The following ZHX3 variants were observed in gnomAD, a reference collection of about 807,000 sequenced individuals.
The protein encoded by ZHX3 is zinc fingers and homeoboxes protein 3.
In ZHX3, 20 loss-of-function variants were observed where a neutral mutation model predicts 64.5. The ratio of observed to expected loss-of-function variants is 0.31; its 90% CI spans 0.22 to 0.45. The LOEUF is 0.45. ZHX3 is among the 20% of genes least tolerant of loss of function. The pLI, the probability that ZHX3 is intolerant of heterozygous loss-of-function variation, is 1.00. For missense variants in ZHX3, 1,041 were observed against 1,195.8 expected (o/e 0.87, Z 1.91); for synonymous variants, 423 against 461.6 (o/e 0.92, Z 1.07).
At chr20:41,193,596 A>G (rs1047408241) in intron 3 of ZHX3, among the ~76,000 whole-genome samples, 1 of 152,030 alleles carries the variant, frequency 6.6e-6, no homozygotes, top group Non-Finnish European at 1.5e-5. Context: ...CCAGCTAAAT[A>G]CAAATGATTT....
At chr20:41,190,266 C>G (rs1488132161) in intron 3 of ZHX3, among the ~76,000 whole-genome samples, 1 of 152,190 alleles carries the variant, frequency 6.6e-6, no homozygotes, top group Non-Finnish European at 1.5e-5. Context: ...CCTCTGCTTC[C>G]TGGGTTCAAG....
chr20:41,192,414 C>T (rs1481282179), intron 3 of ZHX3, among the ~76,000 whole-genome samples: 5 of 152,214 alleles, frequency 3.3e-5, no homozygotes, highest in Admixed American at 2.0e-4. Context: ...AGGCCACCTT[C>T]AGAATGCTTG....
Position 41,201,444 on chromosome 20 carries a change from A to G in ZHX3, c.2860+613T>C. The stretch of plus-strand genomic sequence containing the variant: ...GTGGCTTCAAAACTATGTCTTAAAT[A>G]AAAATAATCTTCTATGATACATTTT... On this transcript the variant is annotated intron_variant, in intron 3 of 3. Transcript: ENST00000683867. This position sits in a 1 kb window ranked among gnomAD's most constrained non-coding sequence, Gnocchi z 5.0. 1 of 1,203,070 alleles carries G rather than the reference A, an allele frequency of 8.3e-7. No homozygotes were observed. Among genetic ancestry groups the G allele is most frequent in the Admixed American group, 2.4e-5 (1 of 42,428 alleles). 74.5% of individuals were successfully genotyped at this position (1,203,070 alleles called of 1,614,324 possible).
intron 1 of ZHX3, among the ~76,000 whole-genome samples, chr20:41,315,428 C>T (rs76383335): frequency 7.0e-6 from 1 of 142,566 alleles, no homozygotes; most frequent in African/African-American, 2.6e-5. Context: ...CTCCTGACCT[C>T]GTGATCCGCC....
At chr20:41,211,461 G>T (rs985413949) in intron 2 of ZHX3, among the ~76,000 whole-genome samples, 2 of 152,014 alleles carry the variant, frequency 1.3e-5, no homozygotes, top group Non-Finnish European at 2.9e-5. Context: ...CCACCAATTT[G>T]AACTGGCATG....
Position 41,190,165 on chromosome 20 carries a change from G to C in ZHX3, c.2861-4964C>G, listed in dbSNP as rs1044241544. On this transcript the variant is annotated intron_variant, in intron 3 of 3. Transcript: ENST00000683867. The stretch of plus-strand genomic sequence containing the variant: ...CCTTGCATTATAATTTTTTGAGACA[G>C]AGTTTCGCTCTTGTAGCCCAGGCGG... Among the ~76,000 whole-genome samples, 4 of 152,196 alleles carry C rather than the reference G, an allele frequency of 2.6e-5. No individual in the cohort carries two copies. In the East Asian group the frequency reaches 5.8e-4, roughly 22 times the overall value.
At chr20:41,220,988 G>A (rs751889827) in intron 2 of ZHX3, among the ~76,000 whole-genome samples, 22 of 151,886 alleles carry the variant, frequency 1.4e-4, no homozygotes, top group Non-Finnish European at 2.6e-4. Flanking sequence ...GTGCCCAGCC[G>A]ACACATTTTT....
At chr20:41,196,529 TTA>T (rs2037684593) in intron 3 of ZHX3, 2 of 69,940 alleles carry the variant, frequency 2.9e-5, no homozygotes, top group East Asian at 6.4e-4. Context: ...ATATTATATA[TTA>T]TATAAATATT....
At chr20:41,253,459 AT>A (rs2042089506) in intron 2 of ZHX3, among the ~76,000 whole-genome samples, 1 of 152,028 alleles carries the variant, frequency 6.6e-6, no homozygotes, top group Non-Finnish European at 1.5e-5. Flanking sequence ...CTTCTCATTT[AT>A]GTTTTCTTCT....
intron 2 of ZHX3, among the ~76,000 whole-genome samples, chr20:41,237,851 TC>T (rs2041118348): frequency 6.6e-6 from 1 of 152,204 alleles, no homozygotes; most frequent in Non-Finnish European, 1.5e-5. Context: ...AACACAAGGT[TC>T]TAGAGGGCTC....
In ZHX3 at chr20:41,226,666, T is replaced by C. The variant is rs2040294494; in HGVS notation, c.-150-21600A>G. On this transcript the variant is annotated intron_variant, in intron 2 of 3. Transcript: ENST00000683867. This position sits in a 1 kb window ranked among gnomAD's most constrained non-coding sequence, Gnocchi z 4.4. ...TGATCCTGTCATCAAATTATCTTCC[T>C]CTCAAGCTCACTCCCTAGTCCTTTC... Among the ~76,000 whole-genome samples the C allele has an allele frequency of 6.6e-6, 1 of 152,204 alleles. No individual in the cohort carries two copies. The highest frequency in any genetic ancestry group is 2.1e-4 in the South Asian group (1 of 4,834).
At chr20:41,247,345 A>G (rs1400070218) in intron 2 of ZHX3, among the ~76,000 whole-genome samples, 1 of 152,198 alleles carries the variant, frequency 6.6e-6, no homozygotes, top group East Asian at 1.9e-4. Context: ...CACTGTGTTC[A>G]GAGTTGGATG....
At chr20:41,275,700 G>A (rs959898665) in intron 1 of ZHX3, among the ~76,000 whole-genome samples, 1 of 152,174 alleles carries the variant, frequency 6.6e-6, no homozygotes, top group African/African-American at 2.4e-5. Context: ...CTTCTAACAT[G>A]GCAGATGGAG....
intron 3 of ZHX3, among the ~76,000 whole-genome samples, chr20:41,187,815 G>C (rs2146114545): frequency 6.6e-6 from 1 of 152,240 alleles, no homozygotes; most frequent in South Asian, 2.1e-4. Flanking sequence ...ACATATTTAT[G>C]GGGTACATGT....
intron 2 of ZHX3, 103 bp downstream of exon 2, chr20:41,268,887 T>C (rs1457325855): frequency 6.6e-6 from 1 of 152,212 alleles, no homozygotes; most frequent in Non-Finnish European, 1.5e-5. Flanking sequence ...GAAGACTAAA[T>C]ATAAAGACTT....
intron 1 of ZHX3, among the ~76,000 whole-genome samples, chr20:41,301,694 A>G (rs1298867204): frequency 6.6e-6 from 1 of 152,112 alleles, no homozygotes; most frequent in African/African-American, 2.4e-5. Flanking sequence ...TTGTGCAAAT[A>G]AACACCCACA....
rs76503919 is a variant in ZHX3, at chr20:41,232,741, T to A, written c.-150-27675A>T. On this transcript the variant is annotated intron_variant, in intron 2 of 3. Transcript: ENST00000683867. The surrounding 1 kb of genome is among the most constrained non-coding windows in gnomAD (Gnocchi z 5.0). ...CGGGGGACTACAGGCGCCCACCACC[T>A]CGCCCGGCTAATTTTTTGTATTTTT... Among the ~76,000 whole-genome samples the A allele has an allele frequency of 9.2e-5, 14 of 151,798 alleles. No homozygotes were observed. The highest frequency in any genetic ancestry group is 2.9e-4 in the African/African-American group (12 of 41,336).
intron 1 of ZHX3, among the ~76,000 whole-genome samples, chr20:41,272,704 G>T (rs2043201791): frequency 6.6e-6 from 1 of 152,162 alleles, no homozygotes; most frequent in South Asian, 2.1e-4. Flanking sequence ...GCATGCATCA[G>T]TACTTCATTC....
intron 2 of ZHX3, among the ~76,000 whole-genome samples, chr20:41,240,348 G>A (rs1252088745): frequency 6.6e-6 from 1 of 152,098 alleles, no homozygotes; most frequent in Non-Finnish European, 1.5e-5. Context: ...TCAAATCATC[G>A]AACTTACTGC....
Sources: gnomAD v4.1 joint callset for allele counts (sites outside exome capture counted in the v4.1 genomes callset) on GRCh38, gnomAD v4.1.1 for gene constraint, Gnocchi (gnomAD v3.1) non-coding constraint, MANE v1.5 for transcripts, NCBI Gene and HGNC (gene_info 2026-07-23, HGNC 2026-07-21) for gene names.